USP40: variants seen among roughly 807,000 people sequenced by gnomAD.
USP40 encodes ubiquitin specific peptidase 40.
USP40 carries 143 observed loss-of-function variants against 166.2 expected under a neutral mutation model. The ratio of observed to expected loss-of-function variants is 0.86; its 90% confidence interval spans 0.75 to 0.99. USP40 has a LOEUF of 0.99. Ranked by LOEUF, USP40 falls within the 50% of genes least tolerant of loss-of-function variation. The pLI, the probability that USP40 is intolerant of heterozygous loss-of-function variation, is 0.00. For missense variants in USP40, 1,444 were observed against 1,479.7 expected, an observed-to-expected ratio of 0.98 and a Z score of 0.40; for synonymous variants, 498 against 524.0, an observed-to-expected ratio of 0.95 and a Z score of 0.68.
intron 8 of USP40, among the ~76,000 whole-genome samples, 190 bp downstream of exon 8, chr2:233,548,911 T>A (rs1364978375): frequency 6.6e-6 from 1 of 152,126 alleles, no homozygotes; most frequent in Non-Finnish European, 1.5e-5. Flanking sequence ...ACTATTCTGG[T>A]AATTTTTCTG....
intron 2 of USP40, among the ~76,000 whole-genome samples, chr2:233,565,068 T>A (rs2072013063): frequency 6.6e-6 from 1 of 152,236 alleles, no homozygotes; most frequent in South Asian, 2.1e-4. Flanking sequence ...AGACTGATAC[T>A]TATGACAATT....
At chr2:233,523,539 C>T (rs749120514) in intron 15 of USP40, 50 bp from the exon 16 acceptor site, 9 of 1,501,740 alleles carry the variant, frequency 6.0e-6, no homozygotes, top group East Asian at 2.3e-5. Flanking sequence ...TTGCCAACAC[C>T]GTCAACATAA....
chr2:233,565,440 T>G lies in USP40; in HGVS notation c.115A>C (p.Asn39His). 6.5e-7 allele frequency: 1 copy of G among 1,537,282 alleles called. No homozygotes were observed. Among genetic ancestry groups the G allele is most frequent in the Non-Finnish European group, 8.7e-7 (1 of 1,146,880 alleles). Residue 39 changes from asparagine (N) to histidine (H), a missense_variant, in exon 2 of 32, where the codon AAT becomes CAT. Coordinates refer to ENST00000678225, the MANE Select transcript of USP40 (RefSeq NM_001365479.2). ...CCCTGATTTCTGATTCCGCTTAAAT[T>G]GGTGAATTCTCTAGGAGCAGGTGGC... The part of the protein sequence containing the change: ...LEPPAPREFT[N>H]LSGIRNQGGT...
intron 9 of USP40, 44 bp downstream of exon 9, chr2:233,542,224 C>T (rs1252063852): frequency 4.2e-6 from 5 of 1,197,544 alleles, no homozygotes; most frequent in Admixed American, 2.2e-5. Context: ...CACATACACA[C>T]AATACATACC....
chr2:233,483,641 C>A (rs916063796), intron 30 of USP40, among the ~76,000 whole-genome samples: 2 of 152,090 alleles, frequency 1.3e-5, no homozygotes, highest in African/African-American at 4.8e-5. Flanking sequence ...TTTTATGGGG[C>A]CTGACGCTGA....
rs541223874 is a variant in USP40, at chr2:233,527,249, G to A, written c.1725+158C>T. Reference sequence around the variant, plus strand: ...GAGAAAAGCCTCTCTAAAAGACTTAGGAGAGAAGATTTGGGTCAACCCTCT... The same window carrying A: ...GAGAAAAGCCTCTCTAAAAGACTTAAGAGAGAAGATTTGGGTCAACCCTCT... On this transcript the variant is annotated intron_variant, in intron 13 of 31. Coordinates refer to ENST00000678225, the MANE Select transcript of USP40 (RefSeq NM_001365479.2). Among the ~76,000 whole-genome samples the A allele has an allele frequency of 3.9e-5, 6 of 152,304 alleles. No individual in the cohort carries two copies. In the South Asian group the frequency reaches 1.2e-3, roughly 32 times the overall value.
chr2:233,562,467 A>G (rs942439274), intron 3 of USP40, among the ~76,000 whole-genome samples: 1 of 151,586 alleles, frequency 6.6e-6, no homozygotes, highest in Non-Finnish European at 1.5e-5. Flanking sequence ...TCGCAAGAAC[A>G]AAAAACCAAA....
intron 25 of USP40, among the ~76,000 whole-genome samples, chr2:233,491,763 A>C (rs2065361988): frequency 6.6e-6 from 1 of 152,150 alleles, no homozygotes; most frequent in African/African-American, 2.4e-5. Context: ...ATGCCCAATA[A>C]ATGTTTATTT....
At chr2:233,529,924 T>C (rs2068377339) in intron 11 of USP40, among the ~76,000 whole-genome samples, 1 of 150,970 alleles carries the variant, frequency 6.6e-6, no homozygotes, top group Admixed American at 6.6e-5. Context: ...CCTCAGCCTC[T>C]GAGTAGCTGG....
At chr2:233,516,642 C>T (rs191357880) in intron 18 of USP40, among the ~76,000 whole-genome samples, 6 of 150,890 alleles carry the variant, frequency 4.0e-5, no homozygotes, top group African/African-American at 9.8e-5. Context: ...GGGCCAAGAT[C>T]GCACCACTGC....
intron 20 of USP40, among the ~76,000 whole-genome samples, chr2:233,510,763 A>G (rs2066770897): frequency 6.6e-6 from 1 of 152,126 alleles, no homozygotes; most frequent in Admixed American, 6.5e-5. Flanking sequence ...CCCAAAAGGA[A>G]TTTGTAATTA....
intron 9 of USP40, among the ~76,000 whole-genome samples, chr2:233,541,343 A>G (rs2069393268): frequency 6.6e-6 from 1 of 152,180 alleles, no homozygotes; most frequent in South Asian, 2.1e-4. Context: ...GTAGGCCCTA[A>G]GTAAATCTGA....
intron 12 of USP40, among the ~76,000 whole-genome samples, chr2:233,529,129 G>A (rs1408586862): frequency 6.6e-6 from 1 of 152,132 alleles, no homozygotes; most frequent in African/African-American, 2.4e-5. Context: ...ATCTGGCCAG[G>A]CCAGGATACA....
rs202066075 is a variant in USP40 at position 233,533,590 on chromosome 2, C to G, written c.1360G>C (p.Asp454His). 2 of 1,613,814 alleles carry G rather than the reference C, an allele frequency of 1.2e-6. No individual in the cohort carries two copies. Among genetic ancestry groups the G allele is most frequent in the Non-Finnish European group, 8.5e-7 (1 of 1,179,816 alleles). Residue 454 changes from aspartate (D) to histidine (H), a missense_variant, in exon 11 of 32, where the codon GAT becomes CAT. Coordinates refer to ENST00000678225, the MANE Select transcript of USP40 (RefSeq NM_001365479.2). ...TCCCTGATTGGCTGGACTTTAGAAT[C>G]ATTTATATCAAACCAGTGGGGACAG... The part of the protein sequence containing the change: ...ISCPHWFDIN[D>H]SKVQPIREKD...
At chr2:233,554,604 G>A in intron 5 of USP40, 78 bp from the exon 6 acceptor site, 8 of 1,140,710 alleles carry the variant, frequency 7.0e-6, no homozygotes, top group Middle Eastern at 2.3e-4. Flanking sequence ...ATATATATTG[G>A]GAATAATCAG....
intron 3 of USP40, 54 bp downstream of exon 3, chr2:233,562,682 T>A (rs200903670): frequency 2.4e-5 from 31 of 1,293,842 alleles, no homozygotes; most frequent in Middle Eastern, 3.0e-4. Context: ...AACCTGCACA[T>A]TGTGCACATG....
In USP40 at chr2:233,552,117, C is replaced by A. The variant is rs1362949235; in HGVS notation, c.694-598G>T. On this transcript the variant is annotated intron_variant, in intron 6 of 31. Coordinates refer to ENST00000678225, the MANE Select transcript of USP40 (RefSeq NM_001365479.2). Reference sequence around the variant, plus strand: ...ATTGGTCTGTGAGGAGAAAAAAAATCCTCCTTGATATATAAAATTACCCAT... The same window carrying A: ...ATTGGTCTGTGAGGAGAAAAAAAATACTCCTTGATATATAAAATTACCCAT... Among the ~76,000 whole-genome samples the A allele has an allele frequency of 3.3e-5, 5 of 151,526 alleles. No homozygotes were observed. In the South Asian group the frequency reaches 1.0e-3, roughly 31 times the overall value.
intron 16 of USP40, 28 bp from the exon 17 acceptor site, chr2:233,521,142 T>A: frequency 6.3e-7 from 1 of 1,596,098 alleles, no homozygotes; most frequent in Non-Finnish European, 8.5e-7. Flanking sequence ...AGATCAGAAA[T>A]TAATACCTTT....
intron 21 of USP40, among the ~76,000 whole-genome samples, chr2:233,503,765 C>CT (rs2066232676): frequency 6.6e-6 from 1 of 152,062 alleles, no homozygotes; most frequent in Non-Finnish European, 1.5e-5. Flanking sequence ...CAAGAAAATA[C>CT]TTAAGGGAGC....
Sources: allele counts gnomAD v4.1 joint callset (sites outside exome capture counted in the v4.1 genomes callset), GRCh38; gene constraint gnomAD v4.1.1; transcripts MANE v1.5; gene names NCBI Gene and HGNC (gene_info 2026-07-23, HGNC 2026-07-21).